Variants in CAPZB observed in about 807,000 individuals in gnomAD.
The protein encoded by CAPZB is F-actin-capping protein subunit beta.
In CAPZB, 2 loss-of-function variants were observed where a neutral mutation model predicts 38.1. The ratio of observed to expected loss-of-function variants is 0.05; its 90% CI spans 0.02 to 0.17. CAPZB has a LOEUF of 0.17. Ranked by LOEUF, CAPZB falls within the 10% of genes least tolerant of loss-of-function variation. The pLI is 1.00. For synonymous variants in CAPZB, 107 were observed against 127.4 expected (o/e 0.84, Z 1.08); for missense variants, 161 against 334.2 (o/e 0.48, Z 4.04).
At chr1:19,369,392 TTCTC>T (rs1226589167) in intron 4 of CAPZB, among the ~76,000 whole-genome samples, 1 of 152,238 alleles carries the variant, frequency 6.6e-6, no homozygotes, top group Admixed American at 6.5e-5. Flanking sequence ...CTCCAGACCT[TTCTC>T]TCTGCTCTGT....
intron 1 of CAPZB, among the ~76,000 whole-genome samples, chr1:19,458,570 G>T (rs1220284193): frequency 3.3e-5 from 5 of 152,220 alleles, no homozygotes; most frequent in Non-Finnish European, 7.3e-5. Flanking sequence ...TGGGCAGGCT[G>T]GTCTTTAACT....
chr1:19,348,229 T>G (rs1370769250), intron 6 of CAPZB, among the ~76,000 whole-genome samples: 1 of 151,902 alleles, frequency 6.6e-6, no homozygotes, highest in Non-Finnish European at 1.5e-5. Context: ...CTGGCCCAGC[T>G]ACATCTGCAG....
chr1:19,371,308 C>CACAGAATGTAAGATGCAGGT (rs1291519719), intron 4 of CAPZB, among the ~76,000 whole-genome samples: 1 of 152,182 alleles, frequency 6.6e-6, no homozygotes, highest in African/African-American at 2.4e-5. Flanking sequence ...ATCATAAACG[C>CACAGAATGTAAGATGCAGGT]ACAGAATGTA....
chr1:19,481,976 C>T (rs1015516445), intron 1 of CAPZB, among the ~76,000 whole-genome samples: 1 of 152,154 alleles, frequency 6.6e-6, no homozygotes, highest in Non-Finnish European at 1.5e-5. Flanking sequence ...ACACAAAAAG[C>T]TGAATTAACA....
chr1:19,435,890 C>T (rs569975243), intron 1 of CAPZB, among the ~76,000 whole-genome samples: 14 of 152,298 alleles, frequency 9.2e-5, no homozygotes, highest in African/African-American at 3.1e-4. Context: ...TTATTTAGCA[C>T]CTACTTTTGC....
At chr1:19,428,641 G>A (rs1360394847) in intron 1 of CAPZB, among the ~76,000 whole-genome samples, 2 of 151,894 alleles carry the variant, frequency 1.3e-5, no homozygotes, top group African/African-American at 2.4e-5. Context: ...TTCATTTGAC[G>A]ATGCATAATG....
At chr1:19,475,875 A>G (rs1420084531) in intron 1 of CAPZB, among the ~76,000 whole-genome samples, 1 of 152,176 alleles carries the variant, frequency 6.6e-6, no homozygotes, top group Non-Finnish European at 1.5e-5. Context: ...CTGTAGAGCA[A>G]TGGCTGTGTC....
chr1:19,469,582 G>T (rs1250851508), intron 1 of CAPZB, among the ~76,000 whole-genome samples: 2 of 152,060 alleles, frequency 1.3e-5, no homozygotes, highest in African/African-American at 4.8e-5. Context: ...AGTCAGCTCA[G>T]AGGGCTCTGG....
intron 1 of CAPZB, among the ~76,000 whole-genome samples, chr1:19,425,682 C>T (rs976578457): frequency 3.3e-5 from 5 of 152,232 alleles, no homozygotes; most frequent in South Asian, 2.1e-4. Context: ...ACCATTAATA[C>T]GGACTAAAAC....
chr1:19,357,276 TC>T lies in CAPZB; in HGVS notation c.471+145del, dbSNP rs992818023. 52 of 689,052 alleles carry T rather than the reference TC, an allele frequency of 7.5e-5. No homozygotes were observed. The African/African-American group carries it at 8.9e-4, about 12-fold the overall frequency. 42.7% of individuals were successfully genotyped at this position (689,052 alleles called of 1,614,324 possible). A position where few individuals can be genotyped will look rare whatever the true frequency, so the allele number is the denominator to read the frequency against. ...AATGACTACTGCAGACTTATCTTTA[TC>T]CAAATGGCTTTGAGGCATTTCTCAG... is the stretch of plus-strand genomic sequence containing the variant. On this transcript the variant is annotated intron_variant, in intron 5 of 8. Transcript: ENST00000264202. The surrounding 1 kb of genome is among the most constrained non-coding windows in gnomAD (Gnocchi z 4.3).
At position 19,356,310 on chromosome 1, in the gene CAPZB, C is replaced by T. The variant is rs372929230; in HGVS notation, c.588+325G>A. ...GATGGGCTGGGCATGGCCACAGAGA[C>T]GGCAAACAGGGCCAAGCACCACTTC... On this transcript the variant is annotated intron_variant, in intron 6 of 8. Transcript: ENST00000264202. This position sits in a 1 kb window ranked among gnomAD's most constrained non-coding sequence, Gnocchi z 4.3. Among the ~76,000 whole-genome samples, 5 of 136,384 alleles carry T rather than the reference C, an allele frequency of 3.7e-5. No individual in the cohort carries two copies. Among genetic ancestry groups the T allele is most frequent in the Admixed American group, 8.2e-5 (1 of 12,244 alleles). The allele number at this position is 136,384 out of a possible 152,430, so 89.5% of individuals were successfully genotyped here.
rs774271781 is a variant in CAPZB, at chr1:19,345,193, C to G, written c.648G>C (p.Leu216=). The change falls in exon 7 of 9, where the codon CTG becomes CTC. Residue 216 remains leucine (L), a synonymous_variant. Coordinates refer to ENST00000264202, the MANE Select transcript of CAPZB (RefSeq NM_004930.5). ...CSPHIANIGR[L]VEDMENKIRS... Reference sequence around the variant, plus strand: ...CAGAGCCCAGGTCACTCACCTCTACCAGGCGCCCGATGTTGGCTATGTGTG... The same window carrying G: ...CAGAGCCCAGGTCACTCACCTCTACGAGGCGCCCGATGTTGGCTATGTGTG... The G allele has an allele frequency of 1.2e-6, 2 of 1,613,862 alleles. No homozygotes were observed. Among genetic ancestry groups the G allele is most frequent in the Non-Finnish European group, 1.7e-6 (2 of 1,179,784 alleles).
chr1:19,433,624 C>G (rs1235375829), intron 1 of CAPZB, among the ~76,000 whole-genome samples: 1 of 152,138 alleles, frequency 6.6e-6, no homozygotes, highest in African/African-American at 2.4e-5. Flanking sequence ...TTTAAAGGAT[C>G]TGGAAAAAAC....
At chr1:19,358,384 C>T (rs1264644009) in intron 4 of CAPZB, among the ~76,000 whole-genome samples, 10 of 152,212 alleles carry the variant, frequency 6.6e-5, no homozygotes, top group Admixed American at 3.3e-4. Flanking sequence ...GTGATCCACC[C>T]GCCTCAGCCT....
chr1:19,379,091 T>C (rs2094159228), intron 3 of CAPZB, among the ~76,000 whole-genome samples: 1 of 121,504 alleles, frequency 8.2e-6, no homozygotes, highest in Admixed American at 8.1e-5. Context: ...CACCTATTTT[T>C]TTTTCTTTCT....
intron 8 of CAPZB, among the ~76,000 whole-genome samples, chr1:19,340,687 C>T (rs921077559): frequency 6.6e-6 from 1 of 151,940 alleles, no homozygotes; most frequent in African/African-American, 2.4e-5. Flanking sequence ...CAACAAAAAG[C>T]GAAGTCAAGG....
intron 2 of CAPZB, among the ~76,000 whole-genome samples, chr1:19,394,792 A>C (rs1449382835): frequency 6.6e-6 from 1 of 152,222 alleles, no homozygotes; most frequent in African/African-American, 2.4e-5. Flanking sequence ...ATAATGGTAC[A>C]TACAGCACAT....
chr1:19,471,903 A>G (rs1465211368), intron 1 of CAPZB, among the ~76,000 whole-genome samples: 1 of 125,838 alleles, frequency 7.9e-6, no homozygotes, highest in African/African-American at 3.0e-5. Context: ...AAAAAAAAAA[A>G]AAAAAGAAAT....
chr1:19,375,538 G>A (rs2094140433), intron 4 of CAPZB, among the ~76,000 whole-genome samples: 2 of 152,268 alleles, frequency 1.3e-5, no homozygotes, highest in Non-Finnish European at 2.9e-5. Context: ...ACTACACACT[G>A]TTGCAGACCC....
Sources: allele counts gnomAD v4.1 joint callset (sites outside exome capture counted in the v4.1 genomes callset), GRCh38; gene constraint gnomAD v4.1.1; non-coding constraint Gnocchi (gnomAD v3.1); transcripts MANE v1.5; gene names NCBI Gene and HGNC (gene_info 2026-07-23, HGNC 2026-07-21).